C12orf54: variants seen among roughly 807,000 people sequenced by gnomAD.
C12orf54 encodes chromosome 12 open reading frame 54.
Under a neutral mutation model 26.4 loss-of-function variants are expected in C12orf54, and 24 were observed. That is an observed-to-expected ratio of 0.91 (90% confidence interval 0.66 to 1.28). C12orf54 has a LOEUF of 1.28. C12orf54 is among the 50% of genes most tolerant of loss of function. C12orf54 has a pLI of 0.00. For synonymous variants in C12orf54, 54 were observed against 47.0 expected (o/e 1.15, Z -0.61); for missense variants, 154 against 150.9 (o/e 1.02, Z -0.11).
chr12:48,468,729 C>T, the C12orf54 span, among the ~76,000 whole-genome samples: 6 of 151,964 alleles, frequency 3.9e-5, no homozygotes, highest in South Asian at 1.0e-3. Flanking sequence ...GAGCTTAGTA[C>T]CCAATAGGTA....
chr12:48,418,647 T>C, the C12orf54 span, among the ~76,000 whole-genome samples: 1 of 152,144 alleles, frequency 6.6e-6, no homozygotes, highest in African/African-American at 2.4e-5. Flanking sequence ...TTAGAAAAGA[T>C]GTGGCTGTGT....
chr12:48,434,127 A>G, the C12orf54 span, among the ~76,000 whole-genome samples: 14 of 152,216 alleles, frequency 9.2e-5, no homozygotes, highest in African/African-American at 3.4e-4. Context: ...CCCACACATG[A>G]CTCGGAGGGT....
At chr12:48,447,212 C>CTGTGTGTGTGTGTG in the C12orf54 span, among the ~76,000 whole-genome samples, 4 of 90,972 alleles carry the variant, frequency 4.4e-5, no homozygotes, top group African/African-American at 1.3e-4. Flanking sequence ...CTCTCTTACT[C>CTGTGTGTGTGTGTG]TGTGTGTGTG....
chr12:48,489,425 ATC>A (rs56968979), intron 5 of C12orf54: 5,328 of 239,042 alleles, frequency 0.022, no homozygotes, highest in South Asian at 0.038. Context: ...GTCTCTCTCA[ATC>A]TCTCTCTCTC....
the C12orf54 span, among the ~76,000 whole-genome samples, chr12:48,456,532 T>C: frequency 6.6e-6 from 1 of 152,188 alleles, no homozygotes; most frequent in Non-Finnish European, 1.5e-5. Flanking sequence ...TCATGGACTC[T>C]GGAGCCAAAG....
intron 6 of C12orf54, 146 bp downstream of exon 6, chr12:48,490,982 C>T: frequency 1.0e-6 from 1 of 978,540 alleles, no homozygotes; most frequent in Non-Finnish European, 1.5e-6. Flanking sequence ...ACCCTAGGAT[C>T]TTCCATTTAG....
intron 4 of C12orf54, among the ~76,000 whole-genome samples, chr12:48,487,494 A>C (rs1410296364): frequency 6.6e-6 from 1 of 152,240 alleles, no homozygotes; most frequent in African/African-American, 2.4e-5. Flanking sequence ...ACATAAGGAA[A>C]TAATCTTAAT....
chr12:48,491,925 T>A (rs1257363998), intron 6 of C12orf54, among the ~76,000 whole-genome samples: 3 of 152,280 alleles, frequency 2.0e-5, no homozygotes, highest in African/African-American at 7.2e-5. Context: ...GTTCTATACC[T>A]CTAAGAGACT....
chr12:48,492,956 A>G lies in C12orf54; in HGVS notation c.203A>G (p.Asn68Ser), dbSNP rs779307132. 2.5e-6 allele frequency: 4 copies of G among 1,613,966 alleles called. No homozygotes were observed. The highest frequency in any genetic ancestry group is 3.4e-6 in the Non-Finnish European group (4 of 1,179,948). ...TCTGTGTCCACTTTAGGGATGAGCA[A>G]CTGCTCCATGACACCCATGACATCA... ...QEDARIRGMSNCSMTPMTSAP... is the reference protein window; with the variant it reads ...QEDARIRGMSSCSMTPMTSAP... Residue 68 changes from asparagine to serine, a missense_variant, in exon 7 of 9, where the codon AAC becomes AGC. Physicochemically the swap from Asn to Ser is conservative, Grantham distance 46 (BLOSUM62 1). Transcript: ENST00000548364.
chr12:48,490,323 A>G (rs545236637), intron 5 of C12orf54, among the ~76,000 whole-genome samples: 2 of 152,196 alleles, frequency 1.3e-5, no homozygotes, highest in Non-Finnish European at 2.9e-5. Flanking sequence ...TGTGAGAGAT[A>G]CAAAAACAAT....
the C12orf54 span, among the ~76,000 whole-genome samples, chr12:48,428,123 A>G: frequency 6.6e-6 from 1 of 152,100 alleles, no homozygotes; most frequent in South Asian, 2.1e-4. Context: ...TTCGAACTGA[A>G]TGACACTAGC....
the C12orf54 span, among the ~76,000 whole-genome samples, chr12:48,416,090 T>C: frequency 6.6e-6 from 1 of 152,218 alleles, no homozygotes. Context: ...ATTTCTCTTC[T>C]CTTTTTATCT....
chr12:48,479,965 G>A (rs1419318318), upstream of C12orf54, among the ~76,000 whole-genome samples: 7 of 151,916 alleles, frequency 4.6e-5, no homozygotes, highest in Non-Finnish European at 8.8e-5. Context: ...TGAGGGAGAA[G>A]CTTCATTTTT....
the C12orf54 span, among the ~76,000 whole-genome samples, chr12:48,471,281 T>G: frequency 1.5e-4 from 23 of 152,338 alleles, no homozygotes; most frequent in Non-Finnish European, 5.9e-5. Context: ...TGGATCTCAT[T>G]ATTTTTATGG....
the C12orf54 span, among the ~76,000 whole-genome samples, chr12:48,445,291 G>C: frequency 6.6e-6 from 1 of 151,988 alleles, no homozygotes; most frequent in East Asian, 1.9e-4. Context: ...GGAGCCAGTC[G>C]AGGATTTTAG....
the C12orf54 span, among the ~76,000 whole-genome samples, chr12:48,456,146 T>A: frequency 1.3e-5 from 2 of 152,194 alleles, no homozygotes; most frequent in Non-Finnish European, 2.9e-5. Flanking sequence ...GGAAAACACA[T>A]TTTTTAAGCA....
upstream of C12orf54, among the ~76,000 whole-genome samples, chr12:48,480,730 C>G (rs1160800988): frequency 6.6e-6 from 1 of 151,948 alleles, no homozygotes; most frequent in Non-Finnish European, 1.5e-5. Context: ...GAAAATTAAT[C>G]ATTCTAACAA....
the C12orf54 span, among the ~76,000 whole-genome samples, chr12:48,425,133 G>A: frequency 6.6e-6 from 1 of 151,944 alleles, no homozygotes; most frequent in Non-Finnish European, 1.5e-5. Context: ...TGTTATATAG[G>A]TAAACTGGTG....
the C12orf54 span, among the ~76,000 whole-genome samples, chr12:48,443,963 A>G: frequency 1.3e-5 from 2 of 152,348 alleles, no homozygotes; most frequent in Middle Eastern, 6.8e-3. Flanking sequence ...TCGAGTCCAT[A>G]CTACCTGCAT....
Sources: gnomAD v4.1 joint callset for allele counts (sites outside exome capture counted in the v4.1 genomes callset) on GRCh38, gnomAD v4.1.1 for gene constraint, MANE v1.5 for transcripts, NCBI Gene and HGNC (gene_info 2026-07-23, HGNC 2026-07-21) for gene names.